NFIC: variants seen among roughly 807,000 people sequenced by gnomAD.
The protein encoded by NFIC is nuclear factor I C.
A neutral mutation model predicts 54.4 loss-of-function variants in NFIC; 12 were observed. The ratio of observed to expected loss-of-function variants is 0.22; its 90% CI spans 0.14 to 0.36. The LOEUF (loss-of-function observed/expected upper bound fraction) is 0.36. Ranked by LOEUF, NFIC falls within the 10% of genes least tolerant of loss-of-function variation. NFIC has a pLI of 1.00. For synonymous variants in NFIC, 322 were observed against 319.2 expected (o/e 1.01, Z -0.09); for missense variants, 575 against 718.2 (o/e 0.80, Z 2.28).
chr19:3,387,142 A>G (rs2081309270), intron 2 of NFIC, among the ~76,000 whole-genome samples: 1 of 152,160 alleles, frequency 6.6e-6, no homozygotes, highest in African/African-American at 2.4e-5. Context: ...GGAGGGGTGC[A>G]GGGTGGATGG....
In NFIC at chr19:3,452,640, G is replaced by C. The variant is rs755493282; in HGVS notation, c.1243G>C (p.Asp415His). The C allele has an allele frequency of 1.9e-6, 3 of 1,610,342 alleles. No individual in the cohort carries two copies. The Admixed American group carries it at 5.0e-5, about 27-fold the overall frequency. Residue 415 changes from aspartate to histidine, a missense_variant, in exon 8 of 11, where the codon GAC becomes CAC. Physicochemically the swap from Asp to His is moderately conservative, Grantham distance 81. Coordinates refer to ENST00000443272, the MANE Select transcript of NFIC (RefSeq NM_001245002.2). The surrounding 1 kb of genome is among the most constrained non-coding windows in gnomAD (Gnocchi z 5.3). The part of the protein sequence containing the change: ...PLKDLVSLAC[D>H]PASQQPGPLN... ...CAAAGATCTTGTCTCGCTGGCCTGC[G>C]ACCCAGCCAGCCAGCAACCTGGACC...
At chr19:3,364,526 C>T (rs1041021289), upstream of NFIC, among the ~76,000 whole-genome samples, 2 of 152,208 alleles carry the variant, frequency 1.3e-5, no homozygotes, top group African/African-American at 4.8e-5. Context: ...CGTACACTTG[C>T]AGAAGTTTCT....
intron 2 of NFIC, among the ~76,000 whole-genome samples, chr19:3,394,769 C>T (rs539806760): frequency 1.1e-4 from 17 of 151,914 alleles, no homozygotes; most frequent in African/African-American, 3.1e-4. Context: ...GTCAGATCAG[C>T]GGGCGGCTCT....
chr19:3,392,367 C>T (rs1413041080), intron 2 of NFIC, among the ~76,000 whole-genome samples: 2 of 152,184 alleles, frequency 1.3e-5, no homozygotes, highest in Middle Eastern at 3.4e-3. Flanking sequence ...CCACCGCACC[C>T]GGCCTAAATG....
rs1177424095 is a variant in NFIC at position 3,462,964 on chromosome 19, A to G, written c.*195A>G. On this transcript the variant is annotated 3_prime_UTR_variant, in exon 11 of 11. Transcript: ENST00000443272. ...GAAAAGAAAAAACAAAGGCAGAAGAAGAAGAAGAAGAAATAAAAACCCACC... is the reference window on the plus strand; with the variant it reads ...GAAAAGAAAAAACAAAGGCAGAAGAGGAAGAAGAAGAAATAAAAACCCACC... 1.2e-5 allele frequency: 17 copies of G among 1,431,062 alleles called. No individual in the cohort carries two copies. The highest frequency in any genetic ancestry group is 1.5e-5 in the African/African-American group (1 of 68,810). The allele number at this position is 1,431,062 out of a possible 1,614,324, so 88.6% of individuals were successfully genotyped here.
Position 3,452,639 on chromosome 19 carries a change from C to G in NFIC, c.1242C>G (p.Cys414Trp). Residue 414 changes from cysteine to tryptophan, a missense_variant, in exon 8 of 11, where the codon TGC becomes TGG. Around this residue, in one of 3 missense-constraint regions of NFIC, gnomAD observed 447 missense variants for 526.9 expected, o/e 0.85. Transcript: ENST00000443272. This position sits in a 1 kb window ranked among gnomAD's most constrained non-coding sequence, Gnocchi z 5.3. ...DPLKDLVSLA[C>W]DPASQQPGPL... ...TCAAAGATCTTGTCTCGCTGGCCTG[C>G]GACCCAGCCAGCCAGCAACCTGGAC... The G allele has an allele frequency of 6.2e-7, 1 of 1,610,432 alleles. No homozygotes were observed. Among genetic ancestry groups the G allele is most frequent in the Non-Finnish European group, 8.5e-7 (1 of 1,178,484 alleles).
chr19:3,410,096 A>G (rs979412925), intron 2 of NFIC, among the ~76,000 whole-genome samples: 3 of 151,620 alleles, frequency 2.0e-5, no homozygotes, highest in Non-Finnish European at 4.4e-5. Flanking sequence ...GCTGGAGTGC[A>G]GTGGTTCGAT....
Position 3,465,342 on chromosome 19 carries a change from C to T in NFIC, c.*2573C>T, listed in dbSNP as rs2121981846. The T allele has an allele frequency of 9.2e-6, 1 of 108,358 alleles. No homozygotes were observed. The highest frequency in any genetic ancestry group is 3.0e-4 in the South Asian group (1 of 3,308). The allele number at this position is 108,358 out of a possible 1,614,324, so 6.7% of individuals were successfully genotyped here. On this transcript the variant is annotated 3_prime_UTR_variant, in exon 11 of 11. Transcript: ENST00000443272. Reference sequence around the variant, plus strand: ...GTAGTTTAAAAAAAAAAAGACAAAACAGTGACATGAAATAAAAAATAAAAA... The same window carrying T: ...GTAGTTTAAAAAAAAAAAGACAAAATAGTGACATGAAATAAAAAATAAAAA...
chr19:3,464,333 A>C lies in NFIC; in HGVS notation c.*1564A>C. 2 of 984,694 alleles carry C rather than the reference A, an allele frequency of 2.0e-6. No homozygotes were observed. Among genetic ancestry groups the C allele is most frequent in the Non-Finnish European group, 2.4e-6 (2 of 829,720 alleles). 61.0% of individuals were successfully genotyped at this position (984,694 alleles called of 1,614,324 possible). ...CCCGCAGCCGTGTAGGGGGCCTCCC[A>C]TCTGCTAAGCGTTTTTCCGTTGAGC... is the stretch of plus-strand genomic sequence containing the variant. On this transcript the variant is annotated 3_prime_UTR_variant, in exon 11 of 11. Transcript: ENST00000443272.
At chr19:3,451,796 CCT>C (rs1209753195) in intron 7 of NFIC, among the ~76,000 whole-genome samples, 3 of 147,702 alleles carry the variant, frequency 2.0e-5, no homozygotes, top group African/African-American at 7.4e-5. Flanking sequence ...TGAAGGCCAC[CCT>C]GTCATCCTCT....
rs932693214 is a variant in NFIC at position 3,468,024 on chromosome 19, A to G, written c.*5255A>G. 2.0e-5 allele frequency: 3 copies of G among 151,680 alleles called. No individual in the cohort carries two copies. The highest frequency in any genetic ancestry group is 4.4e-5 in the Non-Finnish European group (3 of 67,942). 9.4% of individuals were successfully genotyped at this position (151,680 alleles called of 1,614,324 possible). Reference sequence around the variant, plus strand: ...CGCTGCCCATCCATTGCTCAATGGTACAGAGTGTGGGGTCAGTCCACCACC... The same window carrying G: ...CGCTGCCCATCCATTGCTCAATGGTGCAGAGTGTGGGGTCAGTCCACCACC... On this transcript the variant is annotated 3_prime_UTR_variant, in exon 11 of 11. Transcript: ENST00000443272.
chr19:3,447,202 G>A lies in NFIC; in HGVS notation c.959-1812G>A, dbSNP rs140423251. On this transcript the variant is annotated intron_variant, in intron 6 of 10. Coordinates refer to ENST00000443272, the MANE Select transcript of NFIC (RefSeq NM_001245002.2). The stretch of plus-strand genomic sequence containing the variant: ...TAATCCCAGCTACTCGGGAGGCTGA[G>A]GCAGTAGAATCGCTTGAACCTGGGA... Among the ~76,000 whole-genome samples, 685 of 151,916 alleles carry A rather than the reference G, an allele frequency of 4.5e-3. 9 individuals are homozygous for A. Among genetic ancestry groups the A allele is most frequent in the African/African-American group, 0.016 (647 of 41,350 alleles).
At chr19:3,421,759 C>T (rs1356415047) in intron 2 of NFIC, among the ~76,000 whole-genome samples, 2 of 152,118 alleles carry the variant, frequency 1.3e-5, no homozygotes, top group Non-Finnish European at 2.9e-5. Flanking sequence ...TGATCATTCT[C>T]ACAGCAACCC....
At chr19:3,443,148 T>C (rs1045027805) in intron 6 of NFIC, among the ~76,000 whole-genome samples, 1 of 152,076 alleles carries the variant, frequency 6.6e-6, no homozygotes, top group Admixed American at 6.6e-5. Flanking sequence ...TAGAAAAAAA[T>C]TGAGGCTGAG....
chr19:3,382,153 G>A lies in NFIC; in HGVS notation c.472G>A (p.Gly158Ser), dbSNP rs767365550. The change falls in exon 2 of 11, where the codon GGT becomes AGT. Residue 158 changes from glycine to serine, a missense_variant. Coordinates refer to ENST00000443272, the MANE Select transcript of NFIC (RefSeq NM_001245002.2). Reference protein sequence around the residue: ...GERLVKAAQCGHPVLCVQPHH... With the variant: ...GERLVKAAQCSHPVLCVQPHH... ...GCGCCTGGTCAAGGCTGCGCAGTGC[G>A]GTCACCCGGTCCTGTGCGTGCAGCC... 38 of 1,613,002 alleles carry A rather than the reference G, an allele frequency of 2.4e-5. No homozygotes were observed. Among genetic ancestry groups the A allele is most frequent in the African/African-American group, 2.3e-4 (17 of 74,950 alleles).
chr19:3,426,188 C>T (rs547844568), intron 3 of NFIC, among the ~76,000 whole-genome samples: 1 of 151,964 alleles, frequency 6.6e-6, no homozygotes, highest in East Asian at 1.9e-4. Context: ...CCACCTCGGC[C>T]TCCCGAAGTA....
At chr19:3,433,707 C>A in intron 4 of NFIC, 115 bp downstream of exon 4, 1 of 1,184,166 alleles carries the variant, frequency 8.4e-7, no homozygotes, top group Non-Finnish European at 1.2e-6. Context: ...CCCCCTGTGT[C>A]ACTAAGCCAA....
At position 3,463,869 on chromosome 19, in the gene NFIC, G is replaced by A; in HGVS notation, c.*1100G>A. On this transcript the variant is annotated 3_prime_UTR_variant, in exon 11 of 11. Coordinates refer to ENST00000443272, the MANE Select transcript of NFIC (RefSeq NM_001245002.2). ...ATTACCACCACCCGCCCCCCCCTTT[G>A]TCCAGCTGGGACACGGAATGGCCGC... The A allele has an allele frequency of 6.6e-6, 6 of 910,036 alleles. No individual in the cohort carries two copies. The highest frequency in any genetic ancestry group is 7.6e-6 in the Non-Finnish European group (6 of 784,900). 56.4% of individuals were successfully genotyped at this position (910,036 alleles called of 1,614,324 possible). A position where few individuals can be genotyped will look rare whatever the true frequency, so the allele number is the denominator to read the frequency against.
chr19:3,408,597 C>G lies in NFIC; in HGVS notation c.563-16509C>G, dbSNP rs768606922. Among the ~76,000 whole-genome samples, 123 of 152,244 alleles carry G rather than the reference C, an allele frequency of 8.1e-4. 5 individuals carry two copies. Among genetic ancestry groups the G allele is most frequent in the Middle Eastern group, 3.4e-3 (1 of 294 alleles). Reference sequence around the variant, plus strand: ...TCTGGGACCACACATGCAGCACGCACCACCACACCCAGCTAATTTTTATTT... The same window carrying G: ...TCTGGGACCACACATGCAGCACGCAGCACCACACCCAGCTAATTTTTATTT... On this transcript the variant is annotated intron_variant, in intron 2 of 10. Coordinates refer to ENST00000443272, the MANE Select transcript of NFIC (RefSeq NM_001245002.2).
Sources: allele counts gnomAD v4.1 joint callset (sites outside exome capture counted in the v4.1 genomes callset), GRCh38; gene constraint gnomAD v4.1.1; regional missense constraint gnomAD v4.1.1; non-coding constraint Gnocchi (gnomAD v3.1); transcripts MANE v1.5; gene names NCBI Gene and HGNC (gene_info 2026-07-23, HGNC 2026-07-21).